Variants in CADM1 observed in about 807,000 individuals in gnomAD.
The protein encoded by CADM1 is TSLC-1.
A neutral mutation model predicts 53.1 loss-of-function variants in CADM1; 15 were observed. The ratio of observed to expected loss-of-function variants is 0.28; its 90% CI spans 0.19 to 0.44. The LOEUF (loss-of-function observed/expected upper bound fraction) is 0.44, where lower values mean the gene tolerates loss of function less well. Ranked by LOEUF, CADM1 falls within the 20% of genes least tolerant of loss-of-function variation. CADM1 has a pLI of 1.00. For missense variants in CADM1, 434 were observed against 611.3 expected, an observed-to-expected ratio of 0.71 and a Z score of 3.06; for synonymous variants, 281 against 243.0, an observed-to-expected ratio of 1.16 and a Z score of -1.45.
rs767816262 is a variant in CADM1 at position 115,178,651 on chromosome 11, T to C, written c.1290A>G (p.Arg430=). Residue 430 remains arginine, a synonymous_variant, in exon 11 of 12, where the codon AGA becomes AGG. Transcript: ENST00000331581. ...TGCTGAAGCTTTGCTTACCTTTATG[T>C]CTGGCAAAATAGCGCCCCAGAATGA... ...LLIILGRYFA[R]HKGTYFTHEA... is the part of the protein sequence containing the mutation. 2 of 1,613,252 alleles carry C rather than the reference T, an allele frequency of 1.2e-6. No individual in the cohort carries two copies. Among genetic ancestry groups the C allele is most frequent in the Non-Finnish European group, 1.7e-6 (2 of 1,180,004 alleles).
intron 9 of CADM1, 112 bp from the exon 10 acceptor site, chr11:115,191,053 C>CAAAAACATAGA: frequency 1.2e-6 from 1 of 862,384 alleles, no homozygotes; most frequent in Non-Finnish European, 1.8e-6. Context: ...CTCTTGCTAT[C>CAAAAACATAGA]TATGTTTTTG....
chr11:115,500,993 A>G (rs536428758), intron 1 of CADM1, among the ~76,000 whole-genome samples: 5 of 152,364 alleles, frequency 3.3e-5, no homozygotes, highest in Non-Finnish European at 5.9e-5. Context: ...GGAAAACTGG[A>G]TAAAGCATGT....
chr11:115,400,103 T>C lies in CADM1; in HGVS notation c.124+104168A>G, dbSNP rs186236105. Among the ~76,000 whole-genome samples, 18 of 152,246 alleles carry C rather than the reference T, an allele frequency of 1.2e-4. No homozygotes were observed. The East Asian group carries it at 3.3e-3, about 28-fold the overall frequency. On this transcript the variant is annotated intron_variant, in intron 1 of 11. Coordinates refer to ENST00000331581, the MANE Select transcript of CADM1 (RefSeq NM_001301043.2). ...AGGTGGCAAAGAAAGTCTCTAGAAATAGCAAAGAAATGCTAGCTACTTAGA... is the reference window on the plus strand; with the variant it reads ...AGGTGGCAAAGAAAGTCTCTAGAAACAGCAAAGAAATGCTAGCTACTTAGA...
intron 8 of CADM1, among the ~76,000 whole-genome samples, chr11:115,201,991 C>T (rs1940453507): frequency 6.6e-6 from 1 of 152,198 alleles, no homozygotes; most frequent in East Asian, 1.9e-4. Flanking sequence ...CAAAGAAGGG[C>T]CCAGCAATAT....
At chr11:115,246,856 A>C (rs1942425063) in intron 1 of CADM1, among the ~76,000 whole-genome samples, 1 of 152,208 alleles carries the variant, frequency 6.6e-6, no homozygotes. Context: ...ATAAAAGGAA[A>C]AATATTTTAT....
chr11:115,372,601 A>G (rs1228566568), intron 1 of CADM1, among the ~76,000 whole-genome samples: 6 of 152,216 alleles, frequency 3.9e-5, no homozygotes, highest in Non-Finnish European at 5.9e-5. Context: ...AAATGAATGT[A>G]AAAGATTATC....
intron 1 of CADM1, among the ~76,000 whole-genome samples, chr11:115,484,763 C>T (rs963788419): frequency 5.4e-4 from 82 of 151,794 alleles, no homozygotes; most frequent in African/African-American, 1.9e-3. Flanking sequence ...CTGGCTAACA[C>T]GGTGAAACCC....
intron 1 of CADM1, among the ~76,000 whole-genome samples, chr11:115,321,618 G>A (rs1028167577): frequency 3.9e-5 from 6 of 152,276 alleles, no homozygotes; most frequent in South Asian, 2.1e-4. Context: ...GGCTACAGCC[G>A]TTATGTCATG....
chr11:115,390,426 G>A (rs944421780), intron 1 of CADM1, among the ~76,000 whole-genome samples: 3 of 151,676 alleles, frequency 2.0e-5, no homozygotes, highest in African/African-American at 7.3e-5. Context: ...GAAGGAGAGA[G>A]GAAGTGTAGA....
intron 1 of CADM1, among the ~76,000 whole-genome samples, chr11:115,260,789 C>T (rs547406883): frequency 1.3e-5 from 2 of 152,274 alleles, no homozygotes; most frequent in African/African-American, 4.8e-5. Flanking sequence ...TCTCCTGCCT[C>T]AGCCTCCCGA....
chr11:115,480,628 C>T (rs1949237027), intron 1 of CADM1, among the ~76,000 whole-genome samples: 1 of 152,176 alleles, frequency 6.6e-6, no homozygotes, highest in African/African-American at 2.4e-5. Context: ...ATAATCAGCA[C>T]ACAAGGGGCC....
At chr11:115,462,451 A>G (rs1948816571) in intron 1 of CADM1, among the ~76,000 whole-genome samples, 1 of 152,080 alleles carries the variant, frequency 6.6e-6, no homozygotes, top group Non-Finnish European at 1.5e-5. Context: ...TGAATCACCC[A>G]ATCTGGCTTG....
chr11:115,298,995 T>C (rs1944150614), intron 1 of CADM1, among the ~76,000 whole-genome samples: 1 of 152,216 alleles, frequency 6.6e-6, no homozygotes, highest in South Asian at 2.1e-4. Context: ...CACCATGACA[T>C]CTGCCTACTG....
At chr11:115,446,029 C>G (rs575325516) in intron 1 of CADM1, among the ~76,000 whole-genome samples, 1 of 152,204 alleles carries the variant, frequency 6.6e-6, no homozygotes, top group East Asian at 1.9e-4. Context: ...GGTGATATTA[C>G]TAAGTGCCTG....
intron 1 of CADM1, among the ~76,000 whole-genome samples, chr11:115,420,587 C>A (rs1040938184): frequency 2.0e-5 from 3 of 152,208 alleles, no homozygotes; most frequent in African/African-American, 7.2e-5. Context: ...AAAGCTCTTA[C>A]AACCATCTGT....
At chr11:115,408,128 A>C (rs943609707) in intron 1 of CADM1, among the ~76,000 whole-genome samples, 6 of 152,070 alleles carry the variant, frequency 3.9e-5, no homozygotes, top group Non-Finnish European at 8.8e-5. Context: ...TTAAAAAAAA[A>C]CTCTAAAGGA....
chr11:115,201,095 G>T (rs907428841), intron 8 of CADM1, among the ~76,000 whole-genome samples: 1 of 152,172 alleles, frequency 6.6e-6, no homozygotes, highest in African/African-American at 2.4e-5. Flanking sequence ...AGGAAAGGGG[G>T]ATGTTGAGAA....
intron 1 of CADM1, among the ~76,000 whole-genome samples, chr11:115,407,262 A>G (rs1947340492): frequency 6.6e-6 from 1 of 152,220 alleles, no homozygotes; most frequent in South Asian, 2.1e-4. Context: ...AATGTTAACA[A>G]TGAATCCATT....
chr11:115,347,971 T>C (rs1233319165), intron 1 of CADM1, among the ~76,000 whole-genome samples: 2 of 152,206 alleles, frequency 1.3e-5, no homozygotes, highest in Non-Finnish European at 2.9e-5. Context: ...ACATATGATA[T>C]AATGCTCTAC....
Sources: allele counts gnomAD v4.1 joint callset (sites outside exome capture counted in the v4.1 genomes callset), GRCh38; gene constraint gnomAD v4.1.1; transcripts MANE v1.5; gene names NCBI Gene and HGNC (gene_info 2026-07-23, HGNC 2026-07-21).